Variants in CMC1 observed in about 807,000 individuals in gnomAD.
The protein encoded by CMC1 is COX assembly mitochondrial protein homolog.
Under a neutral mutation model 14.1 loss-of-function variants are expected in CMC1, and 14 were observed. That is an observed-to-expected ratio of 0.99 (90% confidence interval 0.66 to 1.55). The LOEUF is 1.55. Among genes scored for constraint, CMC1 ranks in the 40% most tolerant of loss-of-function variants. CMC1 has a pLI of 0.00. For missense variants in CMC1, 127 were observed against 123.8 expected, an observed-to-expected ratio of 1.03 and a Z score of -0.12; for synonymous variants, 50 against 38.4, an observed-to-expected ratio of 1.30 and a Z score of -1.12.
At chr3:28,312,373 C>T (rs1341122416) in intron 2 of CMC1, among the ~76,000 whole-genome samples, 2 of 152,076 alleles carry the variant, frequency 1.3e-5, no homozygotes, top group Admixed American at 1.3e-4. Context: ...GGGATTATTT[C>T]TTTTAATTTG....
intron 2 of CMC1, among the ~76,000 whole-genome samples, chr3:28,268,937 T>G (rs1700135935): frequency 6.6e-6 from 1 of 152,194 alleles, no homozygotes; most frequent in South Asian, 2.1e-4. Flanking sequence ...GAGGTTCTAG[T>G]TTTATCATTT....
At chr3:28,271,613 T>G (rs146239577) in intron 2 of CMC1, among the ~76,000 whole-genome samples, 1,756 of 152,318 alleles carry the variant, frequency 0.012, 15 homozygotes, top group Middle Eastern at 0.048. Context: ...AGCCTTACAG[T>G]TTGAAGTCAG....
At chr3:28,245,233 G>A (rs765838780) in intron 1 of CMC1, among the ~76,000 whole-genome samples, 5 of 151,866 alleles carry the variant, frequency 3.3e-5, no homozygotes, top group African/African-American at 1.2e-4. Flanking sequence ...TGAACCCAGC[G>A]AAAAAATGCA....
chr3:28,245,828 A>G (rs1698795574), intron 1 of CMC1, among the ~76,000 whole-genome samples: 1 of 152,244 alleles, frequency 6.6e-6, no homozygotes, highest in Non-Finnish European at 1.5e-5. Flanking sequence ...GGGTACAGGA[A>G]CAGTACTAGC....
intron 2 of CMC1, among the ~76,000 whole-genome samples, chr3:28,267,404 A>C (rs569093237): frequency 6.6e-6 from 1 of 152,164 alleles, no homozygotes; most frequent in Non-Finnish European, 1.5e-5. Flanking sequence ...TCCTTTTGCT[A>C]TCACAGGTAA....
chr3:28,285,750 G>A (rs2125533759), intron 2 of CMC1, among the ~76,000 whole-genome samples: 1 of 147,368 alleles, frequency 6.8e-6, no homozygotes, highest in Non-Finnish European at 1.5e-5. Flanking sequence ...TCTGTATATT[G>A]TCCAGGTAAA....
intron 2 of CMC1, among the ~76,000 whole-genome samples, chr3:28,315,750 T>C (rs1406373476): frequency 6.6e-6 from 1 of 152,166 alleles, no homozygotes; most frequent in Non-Finnish European, 1.5e-5. Flanking sequence ...TGTTTAGAAA[T>C]GTTTAGATAT....
chr3:28,287,423 GTAATTGCAGAGTTAGACTCCTACTGTTTT>G (rs2125538151), intron 2 of CMC1, among the ~76,000 whole-genome samples: 1 of 152,240 alleles, frequency 6.6e-6, no homozygotes, highest in African/African-American at 2.4e-5. Flanking sequence ...GCTCTACTTT[GTAATTGCAGAGTTAGACTCCTACTGTTTT>G]GGTAAGAGGG....
chr3:28,280,914 A>G (rs1196630631), intron 2 of CMC1, among the ~76,000 whole-genome samples: 1 of 152,210 alleles, frequency 6.6e-6, no homozygotes, highest in Non-Finnish European at 1.5e-5. Context: ...TCTGTAAACA[A>G]AGTTGTTTTG....
intron 2 of CMC1, among the ~76,000 whole-genome samples, chr3:28,283,551 CAAA>C (rs5847510): frequency 3.7e-3 from 443 of 118,282 alleles, no homozygotes; most frequent in Non-Finnish European, 6.5e-3. Flanking sequence ...ACAACAAAAA[CAAA>C]AAAAAAAAAA....
chr3:28,254,569 C>A (rs911921919), intron 1 of CMC1, among the ~76,000 whole-genome samples: 3 of 151,942 alleles, frequency 2.0e-5, no homozygotes, highest in Non-Finnish European at 4.4e-5. Context: ...GCTTAGAATT[C>A]GTAATGTAGG....
intron 2 of CMC1, among the ~76,000 whole-genome samples, chr3:28,274,184 T>C (rs907062052): frequency 6.6e-6 from 1 of 151,408 alleles, no homozygotes; most frequent in Non-Finnish European, 1.5e-5. Flanking sequence ...CTTCATAGTG[T>C]CATTGGTCTT....
intron 1 of CMC1, among the ~76,000 whole-genome samples, chr3:28,252,313 G>T (rs1236482919): frequency 6.6e-6 from 1 of 152,094 alleles, no homozygotes; most frequent in African/African-American, 2.4e-5. Context: ...TACTATTGTG[G>T]GATATGGGTG....
chr3:28,315,411 C>G (rs761442587), intron 2 of CMC1, among the ~76,000 whole-genome samples: 2 of 152,088 alleles, frequency 1.3e-5, no homozygotes, highest in Non-Finnish European at 2.9e-5. Context: ...TCTACAGCAC[C>G]TAGAACTTAC....
At chr3:28,302,356 C>T (rs559322619) in intron 2 of CMC1, among the ~76,000 whole-genome samples, 2 of 152,200 alleles carry the variant, frequency 1.3e-5, no homozygotes, top group African/African-American at 4.8e-5. Context: ...TTGTCAGTTG[C>T]TTTTATCAAT....
chr3:28,257,074 TACTTAGTA>T (rs1407738378), intron 1 of CMC1, among the ~76,000 whole-genome samples: 3 of 152,362 alleles, frequency 2.0e-5, no homozygotes, highest in Non-Finnish European at 4.4e-5. Context: ...TCTTTTTGTC[TACTTAGTA>T]ACCTAATTTC....
chr3:28,244,946 A>C (rs1698736905), intron 1 of CMC1, among the ~76,000 whole-genome samples: 1 of 146,280 alleles, frequency 6.8e-6, no homozygotes, highest in Non-Finnish European at 1.5e-5. Context: ...AAATGTATGG[A>C]AGCCAGTTTT....
chr3:28,317,073 T>C (rs1702961930), intron 3 of CMC1: 3 of 152,210 alleles, frequency 2.0e-5, no homozygotes, highest in Admixed American at 6.6e-5. Flanking sequence ...AATTGAATGT[T>C]GAGAGATCTT....
rs566956864 is a variant in CMC1, at chr3:28,275,682, G to A, written c.109+12302G>A. 2.0e-5 allele frequency among the ~76,000 whole-genome samples: 3 copies of A among 152,202 alleles called. No homozygotes were observed. In the East Asian group the frequency reaches 5.8e-4, roughly 29 times the overall value. On this transcript the variant is annotated intron_variant, in intron 2 of 3. Transcript: ENST00000466830. ...GCTCTGGTGGGAATCCTACTCGTCT[G>A]GACTGCCCCAGTTTCTCAGAGCCAG...
Sources: gnomAD v4.1 joint callset for allele counts (sites outside exome capture counted in the v4.1 genomes callset) on GRCh38, gnomAD v4.1.1 for gene constraint, MANE v1.5 for transcripts, NCBI Gene and HGNC (gene_info 2026-07-23, HGNC 2026-07-21) for gene names.